DIMT1: variants seen among roughly 807,000 people sequenced by gnomAD.
DIMT1 encodes the protein DIM1 rRNA methyltransferase and ribosome maturation factor.
DIMT1 carries 36 observed loss-of-function variants against 43.2 expected under a neutral mutation model. The ratio of observed to expected loss-of-function variants is 0.83; its 90% CI spans 0.64 to 1.10. The LOEUF (loss-of-function observed/expected upper bound fraction) is 1.10, where lower values mean the gene tolerates loss of function less well. Ranked by LOEUF, DIMT1 falls within the 50% of genes least tolerant of loss-of-function variation. DIMT1 has a pLI of 0.00. For synonymous variants in DIMT1, 126 were observed against 130.3 expected, an observed-to-expected ratio of 0.97 and a Z score of 0.22; for missense variants, 341 against 385.3, an observed-to-expected ratio of 0.88 and a Z score of 0.96.
chr5:62,402,135 A>C lies in DIMT1; in HGVS notation c.154-13T>G. 1 of 1,613,576 alleles carries C rather than the reference A, an allele frequency of 6.2e-7. No individual in the cohort carries two copies. On this transcript the variant is annotated splice_polypyrimidine_tract_variant and intron_variant, in intron 2 of 11. Transcript: ENST00000199320. ...GTCTTAAGGCAGCCTAAAAGCAAGC[A>C]CAAACACTTTAGCTCTTCTGGCAAC...
At chr5:62,395,277 A>G (rs1304814420) in intron 6 of DIMT1, among the ~76,000 whole-genome samples, 1 of 152,092 alleles carries the variant, frequency 6.6e-6, no homozygotes, top group East Asian at 1.9e-4. Context: ...CGCCCACCTC[A>G]GCCTCCCAAA....
chr5:62,387,962 A>T lies in DIMT1; in HGVS notation c.*1048T>A, dbSNP rs1020536275. 1.3e-5 allele frequency: 2 copies of T among 152,118 alleles called. No homozygotes were observed. The highest frequency in any genetic ancestry group is 1.3e-4 in the Admixed American group (2 of 15,280). 9.4% of individuals were successfully genotyped at this position (152,118 alleles called of 1,614,324 possible). ...TAAAAAAAGCCAAATATCAATAAAG[A>T]TATTTTTATTAATTTTTTATAGAAA... On this transcript the variant is annotated 3_prime_UTR_variant, in exon 12 of 12. Coordinates refer to ENST00000199320, the MANE Select transcript of DIMT1 (RefSeq NM_014473.4).
chr5:62,396,258 C>T (rs894614888), intron 6 of DIMT1, among the ~76,000 whole-genome samples: 6 of 150,960 alleles, frequency 4.0e-5, no homozygotes, highest in Non-Finnish European at 8.9e-5. Flanking sequence ...TGTAATAATC[C>T]CAGCATTTGG....
intron 9 of DIMT1, 95 bp downstream of exon 9, chr5:62,392,831 A>C: frequency 1.3e-6 from 1 of 760,368 alleles, no homozygotes; most frequent in South Asian, 1.8e-5. Flanking sequence ...CATAATCTTT[A>C]TGCTTTAGGG....
intron 6 of DIMT1, among the ~76,000 whole-genome samples, chr5:62,396,573 T>G (rs544093102): frequency 5.9e-5 from 9 of 152,184 alleles, no homozygotes; most frequent in African/African-American, 1.4e-4. Flanking sequence ...CATTTCCCAT[T>G]GAAACTCTCG....
intron 2 of DIMT1, among the ~76,000 whole-genome samples, chr5:62,403,006 T>C (rs554056110): frequency 6.6e-6 from 1 of 152,194 alleles, no homozygotes; most frequent in Non-Finnish European, 1.5e-5. Flanking sequence ...AATAGAAGAA[T>C]AATTATCTTG....
intron 6 of DIMT1, among the ~76,000 whole-genome samples, chr5:62,396,950 C>A (rs1214570918): frequency 6.6e-6 from 1 of 152,068 alleles, no homozygotes; most frequent in Non-Finnish European, 1.5e-5. Flanking sequence ...GTTTCAGGAT[C>A]TTGTTTTCTT....
chr5:62,394,515 T>A lies in DIMT1; in HGVS notation c.539A>T (p.Gln180Leu), dbSNP rs765607181. The change falls in exon 7 of 12, where the codon CAG (glutamine) becomes CTG (leucine). Residue 180 changes from glutamine (Q) to leucine (L), a missense_variant. Gln to Leu is a moderately radical substitution (Grantham distance 113, BLOSUM62 -2). Transcript: ENST00000199320. The stretch of plus-strand genomic sequence containing the variant: ...TAGATGGTCCACACGTGCCAACAGC[T>A]GTGTATTAATTGAGAGTCTGCAGTA... ...KLYCRLSINT[Q>L]LLARVDHLMK... 6.2e-7 allele frequency: 1 copy of A among 1,614,202 alleles called. No homozygotes were observed. Among genetic ancestry groups the A allele is most frequent in the Non-Finnish European group, 8.5e-7 (1 of 1,180,036 alleles).
chr5:62,402,838 G>C (rs1742754599), intron 2 of DIMT1, among the ~76,000 whole-genome samples: 2 of 152,066 alleles, frequency 1.3e-5, no homozygotes. Context: ...AACTCAGAAA[G>C]CAGTAATACT....
Position 62,394,576 on chromosome 5 carries a change from C to A in DIMT1, c.478G>T (p.Ala160Ser), listed in dbSNP as rs147042946. 5.0e-4 allele frequency: 815 copies of A among 1,614,140 alleles called. No individual in the cohort carries two copies. Among genetic ancestry groups the A allele is most frequent in the Non-Finnish European group, 6.4e-4 (756 of 1,180,028 alleles). Reference protein sequence around the residue: ...CAILMFQREFALRLVAKPGDK... With the variant: ...CAILMFQREFSLRLVAKPGDK... ...CCAGGTTTTGCAACCAGTCGGAGGG[C>A]AAATTCTCTTTGAAACATAAGTATA... The change falls in exon 7 of 12, where the codon GCC (alanine) becomes TCC (serine). Residue 160 changes from alanine (A) to serine (S), a missense_variant. Transcript: ENST00000199320.
At chr5:62,401,793 G>C (rs1388863054) in intron 3 of DIMT1, among the ~76,000 whole-genome samples, 4 of 151,722 alleles carry the variant, frequency 2.6e-5, no homozygotes, top group Non-Finnish European at 5.9e-5. Flanking sequence ...ATATTGCCCA[G>C]GATGGTCTCA....
At position 62,403,815 on chromosome 5, in the gene DIMT1, A is replaced by C. The variant is rs778395304; in HGVS notation, c.-43T>G. ...CCACAGGCCCGGGACGTCAAGGAGG[A>C]CCAAAGAGGGCTAGCGTGAGAAAGC... On this transcript the variant is annotated 5_prime_UTR_variant, in exon 1 of 12. Transcript: ENST00000199320. The C allele has an allele frequency of 1.3e-6, 2 of 1,592,042 alleles. No homozygotes were observed. The highest frequency in any genetic ancestry group is 3.5e-5 in the Admixed American group (2 of 57,662).
intron 11 of DIMT1, among the ~76,000 whole-genome samples, chr5:62,390,656 C>G (rs1447761392): frequency 6.6e-6 from 1 of 152,154 alleles, no homozygotes; most frequent in Non-Finnish European, 1.5e-5. Context: ...AATCTTCTGG[C>G]TCGGACTGTT....
intron 11 of DIMT1, 54 bp from the exon 12 acceptor site, chr5:62,389,106 AACGG>A: frequency 1.3e-6 from 2 of 1,482,428 alleles, no homozygotes; most frequent in Admixed American, 3.6e-5. Flanking sequence ...TGTAGCACAT[AACGG>A]TATATAGTTC....
At chr5:62,396,551 TGGATA>T (rs1742504134) in intron 6 of DIMT1, among the ~76,000 whole-genome samples, 1 of 152,032 alleles carries the variant, frequency 6.6e-6, no homozygotes, top group African/African-American at 2.4e-5. Flanking sequence ...GACTGTAAGG[TGGATA>T]CCTAACCATT....
rs1184403158 is a variant in DIMT1 at position 62,392,931 on chromosome 5, T to C, written c.723A>G (p.Ala241=). The part of the protein sequence containing the change: ...FVRKNKTLSA[A]FKSSAVQQLL... ...GAAATTAGTGTAATACTTACTTAAA[T>C]GCAGCAGAGAGTGTCTTGTTTTTCC... The change falls in exon 9 of 12, where the codon GCA becomes GCG. Residue 241 remains alanine (A), a synonymous_variant. Coordinates refer to ENST00000199320, the MANE Select transcript of DIMT1 (RefSeq NM_014473.4). 2 of 1,605,946 alleles carry C rather than the reference T, an allele frequency of 1.2e-6. No individual in the cohort carries two copies. Among genetic ancestry groups the C allele is most frequent in the Non-Finnish European group, 1.7e-6 (2 of 1,172,866 alleles).
chr5:62,391,872 C>A, intron 10 of DIMT1: 1 of 1,523,922 alleles, frequency 6.6e-7, no homozygotes, highest in Non-Finnish European at 8.8e-7. Flanking sequence ...CTACACATAT[C>A]TACAGCTTTG....
Position 62,388,988 on chromosome 5 carries a change from A to C in DIMT1, c.*22T>G. The C allele has an allele frequency of 6.2e-7, 1 of 1,601,248 alleles. No individual in the cohort carries two copies. Among genetic ancestry groups the C allele is most frequent in the Non-Finnish European group, 8.5e-7 (1 of 1,173,250 alleles). On this transcript the variant is annotated 3_prime_UTR_variant, in exon 12 of 12. Transcript: ENST00000199320. ...AAATTCATTTCTTTTCTTGACCTTG[A>C]AAATTTCTGTTTTCCAAATACCTAG...
At chr5:62,398,013 CTTGAATT>C in intron 6 of DIMT1, among the ~76,000 whole-genome samples, 1 of 152,252 alleles carries the variant, frequency 6.6e-6, no homozygotes, top group Middle Eastern at 3.4e-3. Context: ...TTTGTTCTTA[CTTGAATT>C]TTAGCAGAGT....
Sources: allele counts gnomAD v4.1 joint callset (sites outside exome capture counted in the v4.1 genomes callset), GRCh38; gene constraint gnomAD v4.1.1; transcripts MANE v1.5; gene names NCBI Gene and HGNC (gene_info 2026-07-23, HGNC 2026-07-21).